ANKFN1: variants seen among roughly 807,000 people sequenced by gnomAD.
The protein encoded by ANKFN1 is ankyrin repeat and fibronectin type-III domain-containing protein 1.
In ANKFN1, 74 loss-of-function variants were observed where a neutral mutation model predicts 108.7. The observed-to-expected ratio is 0.68, with a 90% confidence interval of 0.56 to 0.83. ANKFN1 has a LOEUF of 0.83. Among genes scored for constraint, ANKFN1 ranks in the 40% least tolerant of loss-of-function variants. The pLI is 0.00. For synonymous variants in ANKFN1, 547 were observed against 516.2 expected (o/e 1.06, Z -0.81); for missense variants, 1,505 against 1,382.3 (o/e 1.09, Z -1.41).
At chr17:56,455,987 G>GA (rs1444384259) in intron 11 of ANKFN1, among the ~76,000 whole-genome samples, 1 of 152,122 alleles carries the variant, frequency 6.6e-6, no homozygotes, top group Non-Finnish European at 1.5e-5. Context: ...ACACAATGAA[G>GA]AAAAAAACTG....
chr17:56,098,400 CTACACACA>C (rs1224333247), intron 4 of ANKFN1, among the ~76,000 whole-genome samples: 3 of 149,918 alleles, frequency 2.0e-5, no homozygotes, highest in Admixed American at 6.6e-5. Context: ...ATAGCCCCTG[CTACACACA>C]TACACACAAA....
At chr17:56,461,013 C>T (rs774833901) in intron 14 of ANKFN1, among the ~76,000 whole-genome samples, 1 of 152,226 alleles carries the variant, frequency 6.6e-6, no homozygotes, top group African/African-American at 2.4e-5. Context: ...AAAGCTGGAG[C>T]TTCAGGACCC....
intron 1 of ANKFN1, among the ~76,000 whole-genome samples, chr17:56,203,938 T>G (rs369725945): frequency 5.9e-5 from 9 of 152,252 alleles, no homozygotes; most frequent in African/African-American, 2.2e-4. Context: ...GGGCAAGAAA[T>G]GGGCAAACTT....
intron 4 of ANKFN1, among the ~76,000 whole-genome samples, chr17:56,125,376 C>A (rs898943104): frequency 6.6e-6 from 1 of 151,986 alleles, no homozygotes; most frequent in South Asian, 2.1e-4. Context: ...GAACAAAAAC[C>A]AAAGAGGTGG....
chr17:56,110,862 A>G (rs979592096), intron 4 of ANKFN1: 3 of 152,258 alleles, frequency 2.0e-5, no homozygotes, highest in African/African-American at 7.2e-5. Flanking sequence ...CTGCACACAC[A>G]GTGACCAAGT....
intron 4 of ANKFN1, among the ~76,000 whole-genome samples, chr17:56,130,193 A>G (rs1413687547): frequency 6.6e-6 from 1 of 152,196 alleles, no homozygotes; most frequent in Non-Finnish European, 1.5e-5. Flanking sequence ...CAATGCTCGC[A>G]TTCATAATGA....
intron 3 of ANKFN1, among the ~76,000 whole-genome samples, chr17:56,291,993 C>T (rs982768766): frequency 9.9e-5 from 15 of 152,146 alleles, no homozygotes; most frequent in Non-Finnish European, 1.9e-4. Context: ...CTGCACCTTT[C>T]GTATCTCCCA....
chr17:56,469,486 TGACCAC>T (rs2050242281), intron 15 of ANKFN1, among the ~76,000 whole-genome samples: 1 of 152,138 alleles, frequency 6.6e-6, no homozygotes, highest in Non-Finnish European at 1.5e-5. Flanking sequence ...GGTGGAGTGA[TGACCAC>T]CAGGCCTTCT....
At chr17:56,478,001 A>T (rs186840610) in intron 16 of ANKFN1, among the ~76,000 whole-genome samples, 1,937 of 152,172 alleles carry the variant, frequency 0.013, 21 homozygotes, top group Non-Finnish European at 0.021. Context: ...CTAACTTTGT[A>T]TTTTTAGTAG....
chr17:56,494,946 C>T (rs1357826595), intron 19 of ANKFN1, among the ~76,000 whole-genome samples: 1 of 152,120 alleles, frequency 6.6e-6, no homozygotes, highest in Non-Finnish European at 1.5e-5. Flanking sequence ...TACCCTTGCT[C>T]CTTTCTTTTT....
chr17:56,097,976 T>A (rs555117316), intron 4 of ANKFN1, among the ~76,000 whole-genome samples: 1 of 152,346 alleles, frequency 6.6e-6, no homozygotes, highest in South Asian at 2.1e-4. Context: ...ATAGAAAAGA[T>A]AAGATTTAGT....
chr17:56,261,161 T>G (rs1418629248), intron 3 of ANKFN1, among the ~76,000 whole-genome samples: 2 of 152,232 alleles, frequency 1.3e-5, no homozygotes, highest in Non-Finnish European at 2.9e-5. Context: ...TGTACGGACC[T>G]TGTTATCTTC....
chr17:56,195,544 T>C lies in ANKFN1; in HGVS notation c.-70-17054T>C, dbSNP rs189922257. ...CATGTCATTGTCTCTAACCCTGGTG[T>C]CAAACAGCCAATCTTTACTTAAACA... On this transcript the variant is annotated intron_variant, in intron 1 of 20. Coordinates refer to ENST00000682825, the MANE Select transcript of ANKFN1 (RefSeq NM_001370326.1). Among the ~76,000 whole-genome samples, 263 of 152,296 alleles carry C rather than the reference T, an allele frequency of 1.7e-3. 3 individuals are homozygous for C. Among genetic ancestry groups the C allele is most frequent in the African/African-American group, 6.1e-3 (253 of 41,574 alleles).
chr17:56,283,524 G>GATATATATATATATAT (rs567333825), intron 3 of ANKFN1, among the ~76,000 whole-genome samples: 6 of 141,522 alleles, frequency 4.2e-5, no homozygotes, highest in African/African-American at 1.5e-4. Context: ...AAGAAACTGT[G>GATATATATATATATAT]ATATATATAT....
intron 1 of ANKFN1, among the ~76,000 whole-genome samples, chr17:56,164,474 C>A (rs569990183): frequency 6.6e-6 from 1 of 152,088 alleles, no homozygotes; most frequent in Non-Finnish European, 1.5e-5. Context: ...TCTATCTCAC[C>A]TCTTATTCTC....
chr17:56,277,230 T>C (rs1415075749), intron 3 of ANKFN1, among the ~76,000 whole-genome samples: 1 of 152,162 alleles, frequency 6.6e-6, no homozygotes, highest in Non-Finnish European at 1.5e-5. Flanking sequence ...ACTAATAAAA[T>C]TAAAGTAACT....
intron 4 of ANKFN1, among the ~76,000 whole-genome samples, chr17:56,068,492 G>A (rs1905086050): frequency 1.3e-5 from 2 of 152,104 alleles, no homozygotes; most frequent in Non-Finnish European, 2.9e-5. Context: ...TCTTTCCATT[G>A]TCTCCCACTG....
rs533534062 is a variant in ANKFN1, at chr17:56,434,048, T to A, written c.911-6279T>A. 3.9e-5 allele frequency among the ~76,000 whole-genome samples: 6 copies of A among 152,028 alleles called. No homozygotes were observed. In the East Asian group the frequency reaches 7.8e-4, roughly 20 times the overall value. ...AAGACTCCATCTAAACAAAAAAAAA[T>A]TTAGGTAAGAGCCATAATATAATAA... is the stretch of plus-strand genomic sequence containing the variant. On this transcript the variant is annotated intron_variant, in intron 8 of 20. Transcript: ENST00000682825.
chr17:56,451,199 T>G lies in ANKFN1; in HGVS notation c.1207+2013T>G, dbSNP rs1286062605. The stretch of plus-strand genomic sequence containing the variant: ...GAAATTTAAAATATACTTTAGAATA[T>G]TAAAGACTCTAATAAACAGACATGT... On this transcript the variant is annotated intron_variant, in intron 11 of 20. Coordinates refer to ENST00000682825, the MANE Select transcript of ANKFN1 (RefSeq NM_001370326.1). Among the ~76,000 whole-genome samples, 7 of 152,180 alleles carry G rather than the reference T, an allele frequency of 4.6e-5. No individual in the cohort carries two copies. The East Asian group carries it at 1.3e-3, about 29-fold the overall frequency.
Sources: gnomAD v4.1 joint callset for allele counts (sites outside exome capture counted in the v4.1 genomes callset) on GRCh38, gnomAD v4.1.1 for gene constraint, MANE v1.5 for transcripts, NCBI Gene and HGNC (gene_info 2026-07-23, HGNC 2026-07-21) for gene names.